Variants in TBC1D14 observed in about 807,000 individuals in gnomAD.
The protein encoded by TBC1D14 is TBC1 domain family member 14, also known as TBC1 domain family, member 14.
A neutral mutation model predicts 79.0 loss-of-function variants in TBC1D14; 26 were observed. The observed-to-expected ratio is 0.33, with a 90% confidence interval of 0.24 to 0.46. The LOEUF (loss-of-function observed/expected upper bound fraction) is 0.46, where lower values mean the gene tolerates loss of function less well. Among genes scored for constraint, TBC1D14 ranks in the 20% least tolerant of loss-of-function variants. The pLI is 1.00. For synonymous variants in TBC1D14, 394 were observed against 349.9 expected, an observed-to-expected ratio of 1.13 and a Z score of -1.40; for missense variants, 769 against 887.6, an observed-to-expected ratio of 0.87 and a Z score of 1.70.
chr4:7,014,307 C>T (rs893080012), intron 11 of TBC1D14, 141 bp from the exon 12 acceptor site: 1 of 594,822 alleles, frequency 1.7e-6, no homozygotes, highest in African/African-American at 1.9e-5. Context: ...ATAGTACCTA[C>T]AATAAGTTGC....
intron 2 of TBC1D14, among the ~76,000 whole-genome samples, chr4:6,941,512 T>C (rs1193098930): frequency 6.6e-6 from 1 of 152,254 alleles, no homozygotes; most frequent in Non-Finnish European, 1.5e-5. Context: ...TTCTTACCAC[T>C]TTATGTTGCT....
intron 7 of TBC1D14, among the ~76,000 whole-genome samples, chr4:7,001,800 C>A (rs558006800): frequency 3.3e-5 from 5 of 152,174 alleles, no homozygotes; most frequent in African/African-American, 1.2e-4. Context: ...GCTGAATTCA[C>A]TTCCCCAGGT....
intron 11 of TBC1D14, among the ~76,000 whole-genome samples, chr4:7,013,150 A>C (rs1158856322): frequency 6.6e-6 from 1 of 152,208 alleles, no homozygotes; most frequent in Non-Finnish European, 1.5e-5. Context: ...TGACAGCAGC[A>C]GATTTTCTCC....
chr4:6,944,744 T>G (rs1394181835), intron 2 of TBC1D14, among the ~76,000 whole-genome samples: 1 of 152,208 alleles, frequency 6.6e-6, no homozygotes, highest in Non-Finnish European at 1.5e-5. Flanking sequence ...GTTTCTCCTG[T>G]CCTCCTCATC....
chr4:6,920,389 C>T lies in TBC1D14; in HGVS notation c.-17-2984C>T, dbSNP rs138003441. Among the ~76,000 whole-genome samples, 373 of 151,998 alleles carry T rather than the reference C, an allele frequency of 2.5e-3. 1 individual carries two copies. Among genetic ancestry groups the T allele is most frequent in the South Asian group, 8.1e-3 (39 of 4,806 alleles). On this transcript the variant is annotated intron_variant, in intron 1 of 13. Coordinates refer to ENST00000409757, the MANE Select transcript of TBC1D14 (RefSeq NM_020773.3). ...TCCTGGGCTCAAGTGGTCCTCCTGC[C>T]CCAGCCTCTTGAGTAACTGGGACTA... is the stretch of plus-strand genomic sequence containing the variant.
At chr4:7,000,051 C>T (rs1466731870) in intron 6 of TBC1D14, among the ~76,000 whole-genome samples, 15 of 152,166 alleles carry the variant, frequency 9.9e-5, no homozygotes, top group East Asian at 1.9e-4. Context: ...GCAGGGGTCA[C>T]GCGGCCCTGC....
intron 13 of TBC1D14, among the ~76,000 whole-genome samples, chr4:7,028,101 A>G (rs1722645755): frequency 1.4e-5 from 2 of 144,648 alleles, no homozygotes; most frequent in South Asian, 4.6e-4. Flanking sequence ...TACACCTATC[A>G]CAGCCCCACA....
chr4:6,929,154 T>C (rs536893329), intron 2 of TBC1D14, among the ~76,000 whole-genome samples: 1 of 152,232 alleles, frequency 6.6e-6, no homozygotes, highest in East Asian at 1.9e-4. Context: ...TGGGTGGTGG[T>C]CTCTTGATGT....
intron 2 of TBC1D14, among the ~76,000 whole-genome samples, chr4:6,927,246 A>T (rs1048405487): frequency 6.6e-6 from 1 of 152,126 alleles, no homozygotes; most frequent in Non-Finnish European, 1.5e-5. Flanking sequence ...GCAGACAGAT[A>T]AGGCATTTCA....
At chr4:6,962,278 T>C (rs893694309) in intron 2 of TBC1D14, among the ~76,000 whole-genome samples, 1 of 152,138 alleles carries the variant, frequency 6.6e-6, no homozygotes, top group African/African-American at 2.4e-5. Flanking sequence ...GGGGCAGGAC[T>C]CATGAGCTAG....
intron 1 of TBC1D14, among the ~76,000 whole-genome samples, chr4:6,916,115 A>C (rs1182414189): frequency 7.2e-6 from 1 of 138,232 alleles, no homozygotes; most frequent in Admixed American, 7.7e-5. Context: ...AACAAGAGCA[A>C]AGCTCCATCT....
intron 2 of TBC1D14, among the ~76,000 whole-genome samples, chr4:6,929,743 G>A (rs555369303): frequency 2.6e-5 from 4 of 152,202 alleles, no homozygotes; most frequent in South Asian, 2.1e-4. Flanking sequence ...GCACAGGAGC[G>A]GATGGGCTGC....
At position 7,000,521 on chromosome 4, in the gene TBC1D14, T is replaced by C. The variant is rs558885815; in HGVS notation, c.1164-624T>C. 2.6e-5 allele frequency among the ~76,000 whole-genome samples: 4 copies of C among 152,372 alleles called. No individual in the cohort carries two copies. The South Asian group carries it at 6.2e-4, about 24-fold the overall frequency. On this transcript the variant is annotated intron_variant, in intron 6 of 13. Coordinates refer to ENST00000409757, the MANE Select transcript of TBC1D14 (RefSeq NM_020773.3). ...CTCAAGCCTGTGCTCCCCACGATGCTGCGTTCAGAGGCACCACGGGGGCCT... is the reference window on the plus strand; with the variant it reads ...CTCAAGCCTGTGCTCCCCACGATGCCGCGTTCAGAGGCACCACGGGGGCCT...
At chr4:6,911,705 G>C (rs1305377040) in intron 1 of TBC1D14, among the ~76,000 whole-genome samples, 1 of 152,116 alleles carries the variant, frequency 6.6e-6, no homozygotes, top group Non-Finnish European at 1.5e-5. Context: ...TGCTTAGCTG[G>C]TGCGCTATAG....
At chr4:6,943,776 T>A (rs956014740) in intron 2 of TBC1D14, among the ~76,000 whole-genome samples, 4 of 152,194 alleles carry the variant, frequency 2.6e-5, no homozygotes, top group African/African-American at 9.7e-5. Flanking sequence ...CGTCCTCCTG[T>A]GGTTTTCCGA....
At chr4:7,015,276 A>C (rs994612588) in intron 12 of TBC1D14, among the ~76,000 whole-genome samples, 1 of 152,106 alleles carries the variant, frequency 6.6e-6, no homozygotes, top group Non-Finnish European at 1.5e-5. Flanking sequence ...AGAGAGACCA[A>C]TTAAGGGGGA....
At chr4:6,942,794 T>C (rs1022198939) in intron 2 of TBC1D14, among the ~76,000 whole-genome samples, 2 of 152,132 alleles carry the variant, frequency 1.3e-5, no homozygotes, top group Non-Finnish European at 2.9e-5. Context: ...TGAGGAACCA[T>C]ATCTCCTGGG....
At chr4:6,940,240 C>T (rs151199030) in intron 2 of TBC1D14, among the ~76,000 whole-genome samples, 7 of 152,378 alleles carry the variant, frequency 4.6e-5, no homozygotes, top group Middle Eastern at 3.4e-3. Flanking sequence ...GTGGCCACCC[C>T]GTTGGGCGGC....
intron 2 of TBC1D14, among the ~76,000 whole-genome samples, chr4:6,929,293 T>C (rs2108940456): frequency 1.3e-5 from 2 of 152,220 alleles, no homozygotes; most frequent in South Asian, 4.1e-4. Context: ...AAAGGACCAT[T>C]CTAATCAAGG....
Sources: allele counts gnomAD v4.1 joint callset (sites outside exome capture counted in the v4.1 genomes callset), GRCh38; gene constraint gnomAD v4.1.1; transcripts MANE v1.5; gene names NCBI Gene and HGNC (gene_info 2026-07-23, HGNC 2026-07-21).